The following NAALAD2 variants were observed in gnomAD, a reference collection of about 807,000 sequenced individuals.
NAALAD2 encodes N-acetylated-alpha-linked acidic dipeptidase 2.
NAALAD2 carries 89 observed loss-of-function variants against 95.6 expected under a neutral mutation model. That is an observed-to-expected ratio of 0.93 (90% CI 0.78 to 1.11). The LOEUF (loss-of-function observed/expected upper bound fraction) is 1.11, where lower values mean the gene tolerates loss of function less well. Ranked by LOEUF, NAALAD2 falls within the 50% of genes least tolerant of loss-of-function variation. The probability of loss-of-function intolerance (pLI) is 0.00; values close to 1 mark genes in which losing one functional copy is unlikely to be tolerated. For synonymous variants in NAALAD2, 264 were observed against 294.4 expected (o/e 0.90, Z 1.06); for missense variants, 894 against 872.4 (o/e 1.02, Z -0.31).
intron 18 of NAALAD2, among the ~76,000 whole-genome samples, chr11:90,183,260 CTG>C (rs1215462453): frequency 2.0e-5 from 3 of 152,128 alleles, no homozygotes; most frequent in Non-Finnish European, 2.9e-5. Flanking sequence ...AATCTTCAAA[CTG>C]TAGAATCTTA....
Position 90,138,725 on chromosome 11 carries a change from CTTTTTTTTTTTTTTTTTTTT to C in NAALAD2, c.194+3070_194+3089del, listed in dbSNP as rs562496549. 2.3e-4 allele frequency among the ~76,000 whole-genome samples: 14 copies of C among 61,532 alleles called. 1 individual carries two copies. Among genetic ancestry groups the C allele is most frequent in the South Asian group, 7.4e-4 (1 of 1,352 alleles). The allele number at this position is 61,532 out of a possible 152,430, so 40.4% of individuals were successfully genotyped here. On this transcript the variant is annotated intron_variant, in intron 2 of 18. Transcript: ENST00000534061. ...TATCATGAAACCCTTCATCCCTCAA[CTTTTTTTTTTTTTTTTTTTT>C]TTTTTTTTTTTTTTGCCATATTCAC...
At chr11:90,156,369 CTA>C (rs1420711606) in intron 6 of NAALAD2, among the ~76,000 whole-genome samples, 1 of 152,008 alleles carries the variant, frequency 6.6e-6, no homozygotes, top group East Asian at 1.9e-4. Flanking sequence ...CAGCCAGTTT[CTA>C]TTTCTTAGAT....
intron 13 of NAALAD2, 60 bp downstream of exon 13, chr11:90,170,196 G>A (rs781463627): frequency 2.0e-6 from 2 of 1,004,968 alleles, no homozygotes; most frequent in Non-Finnish European, 3.2e-6. Flanking sequence ...AATAACGTGT[G>A]TTCCCCCCTA....
upstream of NAALAD2, among the ~76,000 whole-genome samples, chr11:90,133,540 G>A (rs542592299): frequency 6.6e-6 from 1 of 152,076 alleles, no homozygotes; most frequent in Admixed American, 6.5e-5. Flanking sequence ...CATAGCATAA[G>A]GGAATCGTAG....
chr11:90,170,294 A>G (rs1198444987), intron 13 of NAALAD2, among the ~76,000 whole-genome samples, 158 bp downstream of exon 13: 1 of 152,258 alleles, frequency 6.6e-6, no homozygotes, highest in African/African-American at 2.4e-5. Context: ...ATTTACCTAT[A>G]TGACATAACT....
Position 90,178,137 on chromosome 11 carries a change from A to T in NAALAD2, c.1858+20A>T. 8.1e-6 allele frequency: 13 copies of T among 1,596,052 alleles called. No homozygotes were observed. Among genetic ancestry groups the T allele is most frequent in the Non-Finnish European group, 1.0e-5 (12 of 1,172,878 alleles). ...CATTTGGTAAGAAATAGTTGGGCAG[A>T]TATTTTACAGTCTTTAAGTTAGAGC... On this transcript the variant is annotated intron_variant, in intron 16 of 18. Transcript: ENST00000534061.
chr11:90,167,664 A>G (rs868085435), intron 11 of NAALAD2, among the ~76,000 whole-genome samples: 2 of 152,124 alleles, frequency 1.3e-5, no homozygotes, highest in African/African-American at 4.8e-5. Flanking sequence ...AAATACACCA[A>G]TCAGCACTCT....
Position 90,134,763 on chromosome 11 carries a change from C to T in NAALAD2, c.5C>T (p.Ala2Val), listed in dbSNP as rs1256631831. The change falls in exon 1 of 19, where the codon GCG becomes GTG. Residue 2 changes from alanine to valine, a missense_variant. Coordinates refer to ENST00000534061, the MANE Select transcript of NAALAD2 (RefSeq NM_005467.4). ...AAGCTCGGTCCTCAAGAAGCCATGG[C>T]GGAATCCAGGGGCCGTCTGTACCTT... MAESRGRLYLWM... is the reference protein window; with the variant it reads MVESRGRLYLWM... 3.1e-6 allele frequency: 5 copies of T among 1,613,762 alleles called. No homozygotes were observed. Among genetic ancestry groups the T allele is most frequent in the East Asian group, 4.5e-5 (2 of 44,880 alleles).
chr11:90,177,586 GTTT>G (rs57694347), intron 15 of NAALAD2, among the ~76,000 whole-genome samples: 1 of 28,460 alleles, frequency 3.5e-5, no homozygotes, highest in African/African-American at 1.4e-4. Flanking sequence ...TCTTTTTCTT[GTTT>G]TTTTTTTTTT....
chr11:90,182,833 C>T, intron 17 of NAALAD2, 83 bp from the exon 18 acceptor site: 1 of 932,100 alleles, frequency 1.1e-6, no homozygotes, highest in South Asian at 1.6e-5. Context: ...ATATATTTTC[C>T]CAAGCCTTGT....
At chr11:90,176,216 A>G (rs551972480) in intron 15 of NAALAD2, among the ~76,000 whole-genome samples, 154 bp downstream of exon 15, 64 of 152,266 alleles carry the variant, frequency 4.2e-4, no homozygotes, top group African/African-American at 1.5e-3. Flanking sequence ...TTCCAGATGG[A>G]CAAGGAAGCA....
intron 2 of NAALAD2, among the ~76,000 whole-genome samples, chr11:90,138,725 C>CTTTTTTT (rs562496549): frequency 4.9e-5 from 3 of 61,530 alleles, no homozygotes; most frequent in Non-Finnish European, 6.4e-5. Context: ...CATCCCTCAA[C>CTTTTTTT]TTTTTTTTTT....
intron 2 of NAALAD2, among the ~76,000 whole-genome samples, chr11:90,143,068 AAAT>A (rs1332209324): frequency 6.6e-6 from 1 of 152,134 alleles, no homozygotes; most frequent in African/African-American, 2.4e-5. Context: ...AAACCTCAAA[AAAT>A]AATGTTATAT....
intron 16 of NAALAD2, among the ~76,000 whole-genome samples, chr11:90,180,425 G>A (rs1307789382): frequency 6.6e-6 from 1 of 151,928 alleles, no homozygotes; most frequent in Non-Finnish European, 1.5e-5. Flanking sequence ...CTAAAATCTG[G>A]GACTAAGAAG....
rs1303607484 is a variant in NAALAD2 at position 90,152,300 on chromosome 11, T to TA, written c.617dup (p.Asn206LysfsTer18). 1 of 1,589,012 alleles carries TA rather than the reference T, an allele frequency of 6.3e-7. No individual in the cohort carries two copies. The highest frequency in any genetic ancestry group is 1.7e-5 in the Admixed American group (1 of 59,478). On this transcript the variant is annotated frameshift_variant, in exon 6 of 19. Transcript: ENST00000534061. LOFTEE classifies it high-confidence loss of function. ...TGAATTGCACATTGCCCCTGCAGGT[T>TA]AAAAATGCCATGTTAGCAGGAGCCA...
chr11:90,168,481 T>G (rs1445641449), intron 11 of NAALAD2, among the ~76,000 whole-genome samples: 1 of 152,164 alleles, frequency 6.6e-6, no homozygotes, highest in Non-Finnish European at 1.5e-5. Flanking sequence ...CATTCTAGCC[T>G]GGGCAACAGA....
intron 2 of NAALAD2, among the ~76,000 whole-genome samples, chr11:90,136,662 T>A (rs1951460122): frequency 6.6e-6 from 1 of 152,218 alleles, no homozygotes; most frequent in Admixed American, 6.5e-5. Flanking sequence ...TGTATGGATA[T>A]ATTGCAATGT....
rs564249374 is a variant in NAALAD2, at chr11:90,186,029, A to T, written c.2033+3021A>T. ...GAAGAACTTGTAATCTTTTTTTTTT[A>T]AATTTATTTATTATACTTTTAAGTT... On this transcript the variant is annotated intron_variant, in intron 18 of 18. Transcript: ENST00000534061. Among the ~76,000 whole-genome samples the T allele has an allele frequency of 2.3e-3, 343 of 150,736 alleles. 1 individual carries two copies. Among genetic ancestry groups the T allele is most frequent in the African/African-American group, 7.8e-3 (318 of 41,024 alleles).
intron 6 of NAALAD2, among the ~76,000 whole-genome samples, chr11:90,154,269 T>C (rs866100932): frequency 6.6e-6 from 1 of 151,966 alleles, no homozygotes; most frequent in African/African-American, 2.4e-5. Context: ...TTAAATATTA[T>C]GTTAGCTCTA....
Sources: gnomAD v4.1 joint callset for allele counts (sites outside exome capture counted in the v4.1 genomes callset) on GRCh38, gnomAD v4.1.1 for gene constraint, MANE v1.5 for transcripts, NCBI Gene and HGNC (gene_info 2026-07-23, HGNC 2026-07-21) for gene names.